The following IMMP2L variants were observed in gnomAD, a reference collection of about 807,000 sequenced individuals.
IMMP2L encodes mitochondrial inner membrane protease subunit 2.
IMMP2L carries 18 observed loss-of-function variants against 19.3 expected under a neutral mutation model. The ratio of observed to expected loss-of-function variants is 0.93; its 90% CI spans 0.64 to 1.38. The LOEUF (loss-of-function observed/expected upper bound fraction) is 1.38. Ranked by LOEUF, IMMP2L falls within the 40% of genes most tolerant of loss-of-function variation. IMMP2L has a pLI of 0.00. For synonymous variants in IMMP2L, 76 were observed against 73.0 expected (o/e 1.04, Z -0.21); for missense variants, 233 against 218.2 (o/e 1.07, Z -0.43).
At chr7:111,221,548 C>A (rs77492965) in intron 3 of IMMP2L, among the ~76,000 whole-genome samples, 3,935 of 151,948 alleles carry the variant, frequency 0.026, 62 homozygotes, top group Non-Finnish European at 0.038. Flanking sequence ...CCTATACACA[C>A]TAGCAACAAT....
intron 4 of IMMP2L, among the ~76,000 whole-genome samples, chr7:110,947,817 T>C (rs1817409207): frequency 6.6e-6 from 1 of 152,204 alleles, no homozygotes; most frequent in African/African-American, 2.4e-5. Flanking sequence ...CACTGTCTGC[T>C]CCTGGCTTCA....
At chr7:110,829,016 C>A (rs948993882) in intron 5 of IMMP2L, among the ~76,000 whole-genome samples, 2 of 152,106 alleles carry the variant, frequency 1.3e-5, no homozygotes, top group Non-Finnish European at 2.9e-5. Context: ...AACATCATTT[C>A]CAATACTTCA....
At chr7:111,337,325 A>C (rs1826529571) in intron 3 of IMMP2L, among the ~76,000 whole-genome samples, 1 of 152,168 alleles carries the variant, frequency 6.6e-6, no homozygotes, top group Non-Finnish European at 1.5e-5. Flanking sequence ...AAATTATTTA[A>C]GAATAGCCAA....
chr7:110,934,115 G>A (rs979193143), intron 4 of IMMP2L, among the ~76,000 whole-genome samples: 12 of 152,286 alleles, frequency 7.9e-5, no homozygotes, highest in African/African-American at 2.9e-4. Context: ...TCATTCAGGA[G>A]CAGGTTGTTC....
rs1794876431 is a variant in IMMP2L at position 111,070,660 on chromosome 7, T to TAATACACTGAGAAACTCCAG, written c.240-107115_240-107096dup. ...ATTTTCCCTAGTGAGTTGAAATCACTAATACACTGAGAAACTCCAGAATGC... is the reference window on the plus strand; with the variant it reads ...ATTTTCCCTAGTGAGTTGAAATCACTAATACACTGAGAAACTCCAGAATACACTGAGAAACTCCAGAATGC... On this transcript the variant is annotated intron_variant, in intron 3 of 5. Coordinates refer to ENST00000405709, the MANE Select transcript of IMMP2L (RefSeq NM_032549.4). Among the ~76,000 whole-genome samples, 4 of 152,142 alleles carry TAATACACTGAGAAACTCCAG rather than the reference T, an allele frequency of 2.6e-5. No individual in the cohort carries two copies. The East Asian group carries it at 7.7e-4, about 29-fold the overall frequency.
chr7:111,284,838 T>C lies in IMMP2L; in HGVS notation c.239+202400A>G, dbSNP rs192658206. On this transcript the variant is annotated intron_variant, in intron 3 of 5. Transcript: ENST00000405709. ...ATCCATCTTTATGGTGGACAAAAAGTTGCAAATACAGGAAAACACACTCAC... is the reference window on the plus strand; with the variant it reads ...ATCCATCTTTATGGTGGACAAAAAGCTGCAAATACAGGAAAACACACTCAC... 3.0e-3 allele frequency among the ~76,000 whole-genome samples: 461 copies of C among 152,184 alleles called. 1 individual carries two copies. The highest frequency in any genetic ancestry group is 5.5e-3 in the Non-Finnish European group (375 of 67,996).
intron 3 of IMMP2L, among the ~76,000 whole-genome samples, chr7:111,113,229 C>T (rs1799452464): frequency 6.6e-6 from 1 of 152,190 alleles, no homozygotes; most frequent in South Asian, 2.1e-4. Context: ...TCTTTACAAA[C>T]CAGTGACTTT....
At position 111,485,458 on chromosome 7, in the gene IMMP2L, C is replaced by T. The variant is rs553237031; in HGVS notation, c.239+1780G>A. Among the ~76,000 whole-genome samples the T allele has an allele frequency of 5.3e-5, 8 of 151,766 alleles. No individual in the cohort carries two copies. The South Asian group carries it at 1.2e-3, about 24-fold the overall frequency. On this transcript the variant is annotated intron_variant, in intron 3 of 5. Transcript: ENST00000405709. ...CTAAAAATACAAAAAATTAGCTGGGCGTGGTGGTGGGCCCCTGTAGTCCCA... is the reference window on the plus strand; with the variant it reads ...CTAAAAATACAAAAAATTAGCTGGGTGTGGTGGTGGGCCCCTGTAGTCCCA...
At position 111,203,207 on chromosome 7, in the gene IMMP2L, G is replaced by GT. The variant is rs917021277; in HGVS notation, c.240-239643dup. 7.2e-5 allele frequency among the ~76,000 whole-genome samples: 11 copies of GT among 151,874 alleles called. 1 individual carries two copies. The highest frequency in any genetic ancestry group is 1.7e-4 in the African/African-American group (7 of 41,432). On this transcript the variant is annotated intron_variant, in intron 3 of 5. Transcript: ENST00000405709. Reference sequence around the variant, plus strand: ...GTCAGTCACCTTAATAGGCAAGACGGTTTTTTTTCTTTTACCATATTCATT... The same window carrying GT: ...GTCAGTCACCTTAATAGGCAAGACGGTTTTTTTTTCTTTTACCATATTCATT...
At chr7:110,852,263 T>G (rs541351537) in intron 5 of IMMP2L, among the ~76,000 whole-genome samples, 1 of 151,844 alleles carries the variant, frequency 6.6e-6, no homozygotes, top group Admixed American at 6.6e-5. Context: ...TATATAGCCA[T>G]AAACATCCAT....
At chr7:110,767,257 T>A (rs1224886040) in intron 5 of IMMP2L, among the ~76,000 whole-genome samples, 1 of 152,140 alleles carries the variant, frequency 6.6e-6, no homozygotes, top group African/African-American at 2.4e-5. Context: ...TGGAAAAGAT[T>A]GATGACAGAC....
chr7:111,259,367 G>T (rs1487278666), intron 3 of IMMP2L, among the ~76,000 whole-genome samples: 1 of 152,090 alleles, frequency 6.6e-6, no homozygotes, highest in Non-Finnish European at 1.5e-5. Context: ...GGGCATGGTG[G>T]CTCATGACTG....
intron 3 of IMMP2L, among the ~76,000 whole-genome samples, chr7:111,436,866 G>A (rs1254752146): frequency 6.6e-6 from 1 of 151,858 alleles, no homozygotes; most frequent in East Asian, 1.9e-4. Context: ...CATGGCAGAA[G>A]GTGAAGGGGG....
chr7:111,378,420 G>C (rs1830891030), intron 3 of IMMP2L, among the ~76,000 whole-genome samples: 1 of 151,784 alleles, frequency 6.6e-6, no homozygotes, highest in Non-Finnish European at 1.5e-5. Flanking sequence ...ATATATTTAA[G>C]ACAAAAATGT....
intron 3 of IMMP2L, among the ~76,000 whole-genome samples, chr7:111,262,596 C>T (rs1008655214): frequency 3.3e-5 from 5 of 152,062 alleles, no homozygotes; most frequent in Admixed American, 6.6e-5. Context: ...CTCTGAAATA[C>T]CCGTAGCAAG....
intron 5 of IMMP2L, among the ~76,000 whole-genome samples, chr7:110,684,704 G>T (rs1051980629): frequency 6.6e-5 from 10 of 152,024 alleles, no homozygotes; most frequent in Non-Finnish European, 1.3e-4. Flanking sequence ...AATTTGGGCT[G>T]ATGATGAAGG....
At chr7:111,559,732 GTACT>G (rs1791800063) in intron 1 of IMMP2L, among the ~76,000 whole-genome samples, 1 of 152,054 alleles carries the variant, frequency 6.6e-6, no homozygotes, top group Admixed American at 6.5e-5. Flanking sequence ...TTAAAAGTAA[GTACT>G]TCTATGCCAG....
Position 111,101,393 on chromosome 7 carries a change from A to T in IMMP2L, c.240-137828T>A, listed in dbSNP as rs1242887167. Among the ~76,000 whole-genome samples, 11 of 151,372 alleles carry T rather than the reference A, an allele frequency of 7.3e-5. No individual in the cohort carries two copies. In the Admixed American group the frequency reaches 7.3e-4, roughly 10 times the overall value. On this transcript the variant is annotated intron_variant, in intron 3 of 5. Coordinates refer to ENST00000405709, the MANE Select transcript of IMMP2L (RefSeq NM_032549.4). ...TCTGTGATGATGTACTACCAAACTC[A>T]CTTGGGTACTTTTAATGTATGATCT... is the stretch of plus-strand genomic sequence containing the variant.
rs142075496 is a variant in IMMP2L, at chr7:111,474,483, C to T, written c.239+12755G>A. Among the ~76,000 whole-genome samples, 915 of 152,024 alleles carry T rather than the reference C, an allele frequency of 6.0e-3. 17 individuals are homozygous for T. Among genetic ancestry groups the T allele is most frequent in the African/African-American group, 0.021 (865 of 41,500 alleles). ...GAGGTTAAGTTCATTAGCCAATATT[C>T]CCCTAGCACCTAAGGCAGTTTTCCG... On this transcript the variant is annotated intron_variant, in intron 3 of 5. Transcript: ENST00000405709.
Sources: gnomAD v4.1 joint callset for allele counts (sites outside exome capture counted in the v4.1 genomes callset) on GRCh38, gnomAD v4.1.1 for gene constraint, MANE v1.5 for transcripts, NCBI Gene and HGNC (gene_info 2026-07-23, HGNC 2026-07-21) for gene names.